The following PRR16 variants were observed in gnomAD, a reference collection of about 807,000 sequenced individuals.
PRR16 encodes the protein proline rich 16, also known as protein Largen.
Under a neutral mutation model 18.2 loss-of-function variants are expected in PRR16, and 6 were observed. The observed-to-expected ratio is 0.33, with a 90% confidence interval of 0.18 to 0.65. The LOEUF (loss-of-function observed/expected upper bound fraction) is 0.65. Among genes scored for constraint, PRR16 ranks in the 30% least tolerant of loss-of-function variants. The pLI is 0.74. For synonymous variants in PRR16, 151 were observed against 147.8 expected (o/e 1.02, Z -0.16); for missense variants, 412 against 376.6 (o/e 1.09, Z -0.78).
chr5:120,540,193 T>C (rs1308320694), intron 1 of PRR16, among the ~76,000 whole-genome samples: 1 of 152,200 alleles, frequency 6.6e-6, no homozygotes, highest in Non-Finnish European at 1.5e-5. Flanking sequence ...CACATTCCAT[T>C]TTTTTGTTCT....
In PRR16 at chr5:120,568,891, C is replaced by A. The variant is rs188391625; in HGVS notation, c.159+104246C>A. ...AAAACAGTAAAATATTTTTGGAATG[C>A]TGTCATCACTGGTTCCTGACAAACA... On this transcript the variant is annotated intron_variant, in intron 1 of 1. Transcript: ENST00000407149. Among the ~76,000 whole-genome samples, 171 of 152,194 alleles carry A rather than the reference C, an allele frequency of 1.1e-3. 1 individual carries two copies. The highest frequency in any genetic ancestry group is 6.8e-3 in the Middle Eastern group (2 of 294).
the PRR16 span, among the ~76,000 whole-genome samples, chr5:120,731,037 T>C: frequency 6.6e-6 from 1 of 152,150 alleles, no homozygotes; most frequent in Non-Finnish European, 1.5e-5. Flanking sequence ...CAGGATTGTC[T>C]TAAATATGAG....
intron 1 of PRR16, among the ~76,000 whole-genome samples, chr5:120,527,778 A>C (rs1524558): frequency 6.6e-6 from 1 of 152,186 alleles, no homozygotes; most frequent in South Asian, 2.1e-4. Flanking sequence ...TCCCAGATAT[A>C]GTGGCTGTTT....
chr5:120,765,583 C>CTTT, the PRR16 span, among the ~76,000 whole-genome samples: 1 of 151,898 alleles, frequency 6.6e-6, no homozygotes, highest in African/African-American at 2.4e-5. Flanking sequence ...ACCTTCTTTT[C>CTTT]TTTTTCTAAA....
chr5:120,609,450 T>G (rs1052527063), intron 1 of PRR16, among the ~76,000 whole-genome samples: 2 of 152,160 alleles, frequency 1.3e-5, no homozygotes, highest in African/African-American at 4.8e-5. Context: ...ATTGAGTTGT[T>G]TACTTAGCTT....
At position 120,489,321 on chromosome 5, in the gene PRR16, C is replaced by T. The variant is rs1035200929; in HGVS notation, c.159+24676C>T. ...TGTAGGTCTCTAAGGACTTGCCTTA[C>T]GAATCTGGGTGCTCCTGTATTGGGT... On this transcript the variant is annotated intron_variant, in intron 1 of 1. Coordinates refer to ENST00000407149, the MANE Select transcript of PRR16 (RefSeq NM_001300783.2). 3.9e-5 allele frequency among the ~76,000 whole-genome samples: 6 copies of T among 152,038 alleles called. No individual in the cohort carries two copies. In the East Asian group the frequency reaches 5.8e-4, roughly 15 times the overall value.
intron 1 of PRR16, among the ~76,000 whole-genome samples, chr5:120,575,627 C>T (rs575515045): frequency 6.6e-6 from 1 of 152,110 alleles, no homozygotes; most frequent in African/African-American, 2.4e-5. Context: ...AAAAACTCAA[C>T]AAACTATACA....
chr5:120,637,331 A>AAAAC (rs1333966807), intron 1 of PRR16, among the ~76,000 whole-genome samples: 2 of 150,354 alleles, frequency 1.3e-5, no homozygotes, highest in East Asian at 1.9e-4. Flanking sequence ...AAAAAAAAAA[A>AAAAC]AAAAAAAAAA....
intron 1 of PRR16, among the ~76,000 whole-genome samples, chr5:120,613,603 A>G (rs1754405615): frequency 6.6e-6 from 1 of 152,142 alleles, no homozygotes; most frequent in Non-Finnish European, 1.5e-5. Flanking sequence ...ATGATCTATT[A>G]TATAATTAAA....
chr5:120,641,476 C>G (rs1007971189), intron 1 of PRR16, among the ~76,000 whole-genome samples: 1 of 152,002 alleles, frequency 6.6e-6, no homozygotes, highest in African/African-American at 2.4e-5. Flanking sequence ...TTTCCTTTAA[C>G]TATGTTATCC....
At chr5:120,695,553 T>C in the PRR16 span, among the ~76,000 whole-genome samples, 2 of 152,180 alleles carry the variant, frequency 1.3e-5, no homozygotes, top group Non-Finnish European at 2.9e-5. Flanking sequence ...CTTGACCTCT[T>C]GCCTTAGTTT....
chr5:120,577,476 A>G (rs1246202121), intron 1 of PRR16, among the ~76,000 whole-genome samples: 1 of 151,794 alleles, frequency 6.6e-6, no homozygotes, highest in Non-Finnish European at 1.5e-5. Flanking sequence ...AATAATACCA[A>G]TGTTCATTGG....
intron 1 of PRR16, among the ~76,000 whole-genome samples, chr5:120,606,915 A>AT (rs1371988281): frequency 6.6e-6 from 1 of 151,580 alleles, no homozygotes; most frequent in Non-Finnish European, 1.5e-5. Context: ...AAAAAAAAAA[A>AT]TTGGGGTATG....
chr5:120,773,933 A>T, the PRR16 span, among the ~76,000 whole-genome samples: 1 of 152,096 alleles, frequency 6.6e-6, no homozygotes, highest in East Asian at 1.9e-4. Flanking sequence ...ATGTGTGGGT[A>T]TTAACATATT....
chr5:120,643,521 T>G (rs867533174), intron 1 of PRR16, among the ~76,000 whole-genome samples: 4 of 152,286 alleles, frequency 2.6e-5, no homozygotes, highest in Admixed American at 2.0e-4. Flanking sequence ...CTACAAATCC[T>G]TAGAAAAGTA....
chr5:120,484,472 TTATA>T (rs1358998569), intron 1 of PRR16, among the ~76,000 whole-genome samples: 1 of 145,148 alleles, frequency 6.9e-6, no homozygotes, highest in African/African-American at 2.5e-5. Flanking sequence ...TAATATATGT[TTATA>T]TAATTAGATA....
chr5:120,572,415 G>A (rs1752936936), intron 1 of PRR16, among the ~76,000 whole-genome samples: 1 of 152,114 alleles, frequency 6.6e-6, no homozygotes, highest in African/African-American at 2.4e-5. Flanking sequence ...ACTAATTTTT[G>A]TATTTCAACA....
intron 1 of PRR16, among the ~76,000 whole-genome samples, chr5:120,489,351 A>G (rs916220749): frequency 1.3e-5 from 2 of 152,134 alleles, no homozygotes; most frequent in African/African-American, 4.8e-5. Flanking sequence ...TTGGGTGCAT[A>G]TATATTTAGG....
chr5:120,495,805 C>G (rs778895154), intron 1 of PRR16, among the ~76,000 whole-genome samples: 5 of 151,944 alleles, frequency 3.3e-5, no homozygotes, highest in African/African-American at 4.8e-5. Context: ...CTTTTATATC[C>G]TTTTCTTGCA....
Sources: allele counts gnomAD v4.1 joint callset (sites outside exome capture counted in the v4.1 genomes callset), GRCh38; gene constraint gnomAD v4.1.1; transcripts MANE v1.5; gene names NCBI Gene and HGNC (gene_info 2026-07-23, HGNC 2026-07-21).